SEC14L5: variants seen among roughly 807,000 people sequenced by gnomAD.
SEC14L5 encodes the protein SEC14 like lipid binding 5.
In SEC14L5, 96 loss-of-function variants were observed where a neutral mutation model predicts 84.6. The observed-to-expected ratio is 1.13, with a 90% CI of 0.96 to 1.34. SEC14L5 has a LOEUF of 1.34. Among genes scored for constraint, SEC14L5 ranks in the 40% most tolerant of loss-of-function variants. The pLI is 0.00. For missense variants in SEC14L5, 1,224 were observed against 942.5 expected (o/e 1.30, Z -3.91); for synonymous variants, 546 against 383.4 (o/e 1.42, Z -4.95).
At position 5,011,204 on chromosome 16, in the gene SEC14L5, C is replaced by G; in HGVS notation, c.1910C>G (p.Ala637Gly). The change falls in exon 15 of 16, where the codon GCT becomes GGT. Residue 637 changes from alanine to glycine, a missense_variant. Coordinates refer to ENST00000251170, the MANE Select transcript of SEC14L5 (RefSeq NM_014692.2). Reference sequence around the variant, plus strand: ...CCGGGTGTGGACGATGTCCTGACGGCTCTGCACAGCCCCGGGCCCAAGTGC... The same window carrying G: ...CCGGGTGTGGACGATGTCCTGACGGGTCTGCACAGCCCCGGGCCCAAGTGC... ...SLPGVDDVLT[A>G]LHSPGPKCKL... 1 of 1,613,838 alleles carries G rather than the reference C, an allele frequency of 6.2e-7. No homozygotes were observed. Among genetic ancestry groups the G allele is most frequent in the Non-Finnish European group, 8.5e-7 (1 of 1,179,872 alleles).
At chr16:4,981,099 T>C (rs1184372079) in intron 2 of SEC14L5, among the ~76,000 whole-genome samples, 1 of 151,864 alleles carries the variant, frequency 6.6e-6, no homozygotes, top group East Asian at 1.9e-4. Flanking sequence ...ATTCTCGGCA[T>C]CAAGGCCCGT....
intron 6 of SEC14L5, among the ~76,000 whole-genome samples, chr16:4,995,117 C>T (rs1212685107): frequency 6.6e-6 from 1 of 152,208 alleles, no homozygotes; most frequent in East Asian, 1.9e-4. Context: ...CCACTGTGGG[C>T]TTTTCTGTTT....
Position 5,015,262 on chromosome 16 carries a change from G to C in SEC14L5, c.*292G>C. 1 of 363,078 alleles carries C rather than the reference G, an allele frequency of 2.8e-6. No homozygotes were observed. The highest frequency in any genetic ancestry group is 7.5e-4 in the Middle Eastern group (1 of 1,342). 22.5% of individuals were successfully genotyped at this position (363,078 alleles called of 1,614,324 possible). A position where few individuals can be genotyped will look rare whatever the true frequency, so the allele number is the denominator to read the frequency against. On this transcript the variant is annotated 3_prime_UTR_variant, in exon 16 of 16. Transcript: ENST00000251170. ...CACACCTTTGGGACATCCGGGCTTA[G>C]CGACGTCAGCCAGGCCCATCTCCTC...
intron 2 of SEC14L5, among the ~76,000 whole-genome samples, chr16:4,986,629 G>A (rs537930263): frequency 6.6e-6 from 1 of 152,250 alleles, no homozygotes; most frequent in Admixed American, 6.5e-5. Flanking sequence ...GGGGAATATT[G>A]CCATCTTAAC....
intron 2 of SEC14L5, among the ~76,000 whole-genome samples, chr16:4,985,473 C>A (rs1025969263): frequency 5.3e-5 from 8 of 152,146 alleles, no homozygotes; most frequent in Admixed American, 3.3e-4. Context: ...GGTGATCCAC[C>A]CGCCTCAGCC....
chr16:4,960,771 A>C (rs1323048997), intron 2 of SEC14L5: 1 of 152,164 alleles, frequency 6.6e-6, no homozygotes, highest in East Asian at 1.9e-4. Context: ...AATGTGTATA[A>C]AGCTCCTGGT....
rs1413126092 is a variant in SEC14L5, at chr16:5,001,194, G to T, written c.1130+269G>T. 1.3e-5 allele frequency among the ~76,000 whole-genome samples: 2 copies of T among 151,552 alleles called. 1 individual carries two copies. The highest frequency in any genetic ancestry group is 2.9e-5 in the Non-Finnish European group (2 of 67,968). ...GGATTTGAACCTGGGGTCCTGTCTG[G>T]CTTCTAGCTCGAAGACTTTATCCTC... On this transcript the variant is annotated intron_variant, in intron 10 of 15. Transcript: ENST00000251170.
chr16:4,965,935 G>A (rs62036174), intron 2 of SEC14L5, among the ~76,000 whole-genome samples: 56,030 of 151,704 alleles, frequency 0.37, 10,917 homozygotes, highest in Non-Finnish European at 0.44. Flanking sequence ...CCAGCTACTT[G>A]GGAAACTGAG....
chr16:4,982,941 A>G (rs1378230812), intron 2 of SEC14L5, among the ~76,000 whole-genome samples: 2 of 152,134 alleles, frequency 1.3e-5, no homozygotes, highest in East Asian at 3.8e-4. Flanking sequence ...TACAAAAAAA[A>G]TTATGTAATA....
rs745510947 is a variant in SEC14L5 at position 5,005,872 on chromosome 16, A to AAAG, written c.1303-40_1303-39insGAA. 1.3e-5 allele frequency: 19 copies of AAAG among 1,499,288 alleles called. No individual in the cohort carries two copies. In the African/African-American group the frequency reaches 2.3e-4, roughly 18 times the overall value. 92.9% of individuals were successfully genotyped at this position (1,499,288 alleles called of 1,614,324 possible). A position where few individuals can be genotyped will look rare whatever the true frequency, so the allele number is the denominator to read the frequency against. On this transcript the variant is annotated intron_variant, in intron 11 of 15. Coordinates refer to ENST00000251170, the MANE Select transcript of SEC14L5 (RefSeq NM_014692.2). The stretch of plus-strand genomic sequence containing the variant: ...GAGCAAGACTCCGTCTCAAAAAAAA[A>AAAG]AAAAAAAAAACCATCCATCTTGCCT...
chr16:5,000,564 G>A lies in SEC14L5; in HGVS notation c.971-91G>A, dbSNP rs377181586. 47 of 966,872 alleles carry A rather than the reference G, an allele frequency of 4.9e-5. No homozygotes were observed. In the Admixed American group the frequency reaches 9.5e-4, roughly 20 times the overall value. 59.9% of individuals were successfully genotyped at this position (966,872 alleles called of 1,614,324 possible). ...GCCTTGGTGGGTTGCAGCCTGAGGA[G>A]GTGAAGCTCTCACCTGCAGCTGTGA... On this transcript the variant is annotated intron_variant, in intron 8 of 15. Transcript: ENST00000251170.
chr16:5,009,635 C>T (rs111595328), intron 14 of SEC14L5, among the ~76,000 whole-genome samples: 1 of 152,136 alleles, frequency 6.6e-6, no homozygotes, highest in African/African-American at 2.4e-5. Flanking sequence ...CACCCTAAAT[C>T]CTTAACCACA....
chr16:4,970,987 A>G (rs1225657459), intron 2 of SEC14L5, among the ~76,000 whole-genome samples: 2 of 151,980 alleles, frequency 1.3e-5, no homozygotes, highest in Non-Finnish European at 2.9e-5. Context: ...ATGTGCCTGT[A>G]GTCCCAGCTA....
chr16:5,002,549 G>A (rs1955688497), intron 10 of SEC14L5, among the ~76,000 whole-genome samples: 1 of 152,078 alleles, frequency 6.6e-6, no homozygotes, highest in Admixed American at 6.6e-5. Context: ...ATGTTGGGGT[G>A]GAAGTGGGAA....
At chr16:5,002,100 A>G (rs1955683840) in intron 10 of SEC14L5, among the ~76,000 whole-genome samples, 1 of 152,194 alleles carries the variant, frequency 6.6e-6, no homozygotes, top group African/African-American at 2.4e-5. Context: ...TGGATTCTCA[A>G]AAATAATAAG....
At position 5,003,577 on chromosome 16, in the gene SEC14L5, A is replaced by G. The variant is rs755968297; in HGVS notation, c.1302+4A>G. The G allele has an allele frequency of 4.0e-6, 5 of 1,261,668 alleles. No homozygotes were observed. Among genetic ancestry groups the G allele is most frequent in the South Asian group, 2.4e-5 (2 of 82,606 alleles). The allele number at this position is 1,261,668 out of a possible 1,614,324, so 78.2% of individuals were successfully genotyped here. On this transcript the variant is annotated splice_donor_region_variant and intron_variant, in intron 11 of 15. Transcript: ENST00000251170. ...CTTCCCCGTGCTCTGGACACTGGTA[A>G]GAGCTGGAGCCTGGGCCAGGACTCT...
In SEC14L5 at chr16:4,961,129, C is replaced by T. The variant is rs1015988441; in HGVS notation, c.63+1743C>T. ...AACTAAAAATACAAGAAAAATTAGC[C>T]GGGCGTGGTGGCGCGCACCTGTAGT... On this transcript the variant is annotated intron_variant, in intron 2 of 15. Coordinates refer to ENST00000251170, the MANE Select transcript of SEC14L5 (RefSeq NM_014692.2). Among the ~76,000 whole-genome samples the T allele has an allele frequency of 9.2e-5, 14 of 152,080 alleles. No homozygotes were observed. The South Asian group carries it at 1.0e-3, about 11-fold the overall frequency.
At chr16:4,985,402 AT>A (rs1171199479) in intron 2 of SEC14L5, among the ~76,000 whole-genome samples, 5 of 151,664 alleles carry the variant, frequency 3.3e-5, no homozygotes, top group Non-Finnish European at 7.4e-5. Context: ...ATTTTTTTCT[AT>A]TTTTAGGAGA....
chr16:4,976,062 C>A (rs957908541), intron 2 of SEC14L5, among the ~76,000 whole-genome samples: 2 of 152,226 alleles, frequency 1.3e-5, no homozygotes, highest in African/African-American at 4.8e-5. Context: ...GCAGAAATAG[C>A]TTTTTGTACT....
Sources: gnomAD v4.1 joint callset for allele counts (sites outside exome capture counted in the v4.1 genomes callset) on GRCh38, gnomAD v4.1.1 for gene constraint, MANE v1.5 for transcripts, NCBI Gene and HGNC (gene_info 2026-07-23, HGNC 2026-07-21) for gene names.